CHD2: variants seen among roughly 807,000 people sequenced by gnomAD.
The protein encoded by CHD2 is chromodomain helicase DNA binding protein 2.
CHD2 carries 28 observed loss-of-function variants against 243.9 expected under a neutral mutation model. That is an observed-to-expected ratio of 0.11 (90% CI 0.09 to 0.16). The LOEUF (loss-of-function observed/expected upper bound fraction) is 0.16. Ranked by LOEUF, CHD2 falls within the 10% of genes least tolerant of loss-of-function variation. The pLI is 1.00. For missense variants in CHD2, 1,386 were observed against 2,209.8 expected (o/e 0.63, Z 7.47); for synonymous variants, 775 against 779.0 (o/e 0.99, Z 0.09).
At position 92,988,245 on chromosome 15, in the gene CHD2, C is replaced by T. The variant is rs2388053; in HGVS notation, c.3413+2572C>T. 8.2e-3 allele frequency among the ~76,000 whole-genome samples: 1,242 copies of T among 152,058 alleles called. 52 individuals carry two copies. Among genetic ancestry groups the T allele is most frequent in the Admixed American group, 0.07 (1,063 of 15,254 alleles). On this transcript the variant is annotated intron_variant, in intron 26 of 38. Transcript: ENST00000394196. ...TTACTGGCTCCTGCCACCACGCTGG[C>T]TAATTATTTTTGTATTTTTAGTAGA...
chr15:92,944,599 A>G (rs1435546663), intron 10 of CHD2, 84 bp downstream of exon 10: 4 of 638,360 alleles, frequency 6.3e-6, no homozygotes, highest in African/African-American at 5.5e-5. Flanking sequence ...AAATTTTAAA[A>G]ATGCACTTTG....
At chr15:92,954,780 G>A (rs1256542230) in intron 14 of CHD2, among the ~76,000 whole-genome samples, 1 of 152,144 alleles carries the variant, frequency 6.6e-6, no homozygotes, top group South Asian at 2.1e-4. Flanking sequence ...GCGATCACCT[G>A]CAGGCACTTA....
In CHD2 at chr15:92,942,894, G is replaced by C. The variant is rs1555439526; in HGVS notation, c.878G>C (p.Ser293Thr). ...GCGATTGAAGCTAATGGCGACCCTA[G>C]TGGTGACTTTGACACTGAAAAGGAT... ...VYAIEANGDP[S>T]GDFDTEKDEG... Residue 293 changes from serine (S) to threonine (T), a missense_variant, in exon 9 of 39, where the codon AGT becomes ACT. Transcript: ENST00000394196. 2.5e-6 allele frequency: 4 copies of C among 1,613,918 alleles called. No individual in the cohort carries two copies. Among genetic ancestry groups the C allele is most frequent in the African/African-American group, 1.3e-5 (1 of 74,914 alleles).
At chr15:93,002,874 G>GT (rs971909092) in intron 33 of CHD2, among the ~76,000 whole-genome samples, 2 of 152,142 alleles carry the variant, frequency 1.3e-5, no homozygotes, top group African/African-American at 4.8e-5. Context: ...AACAACTGCT[G>GT]TAATTCTAAT....
At chr15:92,945,972 A>G in intron 11 of CHD2, 66 bp from the exon 12 acceptor site, 1 of 1,501,882 alleles carries the variant, frequency 6.7e-7, no homozygotes, top group Non-Finnish European at 9.0e-7. Context: ...TATGCATAAA[A>G]CAGAATGTCA....
In CHD2 at chr15:92,998,060, C is replaced by A; in HGVS notation, c.3886-439C>A. On this transcript the variant is annotated intron_variant, in intron 30 of 38. Coordinates refer to ENST00000394196, the MANE Select transcript of CHD2 (RefSeq NM_001271.4). This position sits in a 1 kb window ranked among gnomAD's most constrained non-coding sequence, Gnocchi z 5.1. ...CTGGCAAGAGACCCAGTTGTTGTAG[C>A]AAGGAACAGATCATGTCCTGGCGTA... is the stretch of plus-strand genomic sequence containing the variant. 2.3e-6 allele frequency: 1 copy of A among 427,960 alleles called. No homozygotes were observed. Among genetic ancestry groups the A allele is most frequent in the Non-Finnish European group, 3.1e-6 (1 of 318,120 alleles). The allele number at this position is 427,960 out of a possible 1,614,324, so 26.5% of individuals were successfully genotyped here.
At chr15:92,972,178 G>T in intron 18 of CHD2, 87 bp from the exon 19 acceptor site, 1 of 1,428,382 alleles carries the variant, frequency 7.0e-7, no homozygotes, top group South Asian at 1.3e-5. Context: ...GCTTTAAGAT[G>T]ATTTTTAAAA....
intron 16 of CHD2, among the ~76,000 whole-genome samples, chr15:92,965,564 CCAAAAAAAAAAA>C (rs2053748411): frequency 5.9e-5 from 2 of 33,822 alleles, no homozygotes; most frequent in African/African-American, 1.9e-4. Flanking sequence ...GACTCTTTCT[CCAAAAAAAAAAA>C]AAAAAAAAAA....
At chr15:92,940,778 AT>A (rs956268773) in intron 7 of CHD2, among the ~76,000 whole-genome samples, 1 of 142,202 alleles carries the variant, frequency 7.0e-6, no homozygotes, top group African/African-American at 2.6e-5. Flanking sequence ...TATATAAAAA[AT>A]ATAAAAAATA....
chr15:92,997,689 T>G lies in CHD2; in HGVS notation c.3885+286T>G. 4.3e-6 allele frequency: 1 copy of G among 231,874 alleles called. No homozygotes were observed. The highest frequency in any genetic ancestry group is 9.7e-5 in the East Asian group (1 of 10,316). 14.4% of individuals were successfully genotyped at this position (231,874 alleles called of 1,614,324 possible). ...CATTACAATAAATACCCAGGTGAGT[T>G]TGTTAATGATAAAAGCATTCCTTGG... is the stretch of plus-strand genomic sequence containing the variant. On this transcript the variant is annotated intron_variant, in intron 30 of 38. Coordinates refer to ENST00000394196, the MANE Select transcript of CHD2 (RefSeq NM_001271.4). This position sits in a 1 kb window ranked among gnomAD's most constrained non-coding sequence, Gnocchi z 4.1.
intron 34 of CHD2, 38 bp from the exon 35 acceptor site, chr15:93,009,107 C>G: frequency 6.3e-7 from 1 of 1,599,948 alleles, no homozygotes; most frequent in African/African-American, 1.3e-5. Context: ...TTACTTTCTG[C>G]AGATTGTTTA....
intron 34 of CHD2, among the ~76,000 whole-genome samples, chr15:93,007,049 G>C (rs1398411486): frequency 6.6e-6 from 1 of 152,206 alleles, no homozygotes; most frequent in Non-Finnish European, 1.5e-5. Flanking sequence ...AACTTCTCTA[G>C]GGTGTATGGC....
intron 4 of CHD2, among the ~76,000 whole-genome samples, 174 bp downstream of exon 4, chr15:92,927,504 T>TA (rs2053085114): frequency 6.6e-6 from 1 of 152,110 alleles, no homozygotes; most frequent in African/African-American, 2.4e-5. Flanking sequence ...AATAATCAAA[T>TA]AAAAGAATCT....
At chr15:92,914,251 C>T (rs547556857) in intron 2 of CHD2, among the ~76,000 whole-genome samples, 3 of 152,276 alleles carry the variant, frequency 2.0e-5, no homozygotes, top group East Asian at 1.9e-4. Context: ...GGGAGAACTC[C>T]CCTTGTAACT....
chr15:92,959,297 A>G (rs930503026), intron 16 of CHD2, among the ~76,000 whole-genome samples: 3 of 152,138 alleles, frequency 2.0e-5, no homozygotes, highest in African/African-American at 7.2e-5. Flanking sequence ...GAATTTGGGA[A>G]ATTGTTCTAG....
intron 13 of CHD2, among the ~76,000 whole-genome samples, chr15:92,949,407 T>TA (rs746877777): frequency 1.1e-4 from 16 of 152,216 alleles, no homozygotes; most frequent in African/African-American, 1.4e-4. Context: ...TGGAAGGAGT[T>TA]ACTCAGAAGA....
chr15:93,006,705 C>T (rs976104454), intron 34 of CHD2, among the ~76,000 whole-genome samples: 1 of 152,200 alleles, frequency 6.6e-6, no homozygotes, highest in Non-Finnish European at 1.5e-5. Flanking sequence ...TTGACCCAGG[C>T]AGTTCGGCAT....
intron 16 of CHD2, among the ~76,000 whole-genome samples, chr15:92,960,705 GTTTTTTTT>G (rs71467745): frequency 2.3e-4 from 12 of 51,466 alleles, no homozygotes; most frequent in Admixed American, 4.9e-4. Context: ...TCTGTTTGGT[GTTTTTTTT>G]TTTTTTTTTT....
chr15:92,931,472 T>A (rs1406071522), intron 5 of CHD2, among the ~76,000 whole-genome samples: 2 of 152,086 alleles, frequency 1.3e-5, no homozygotes, highest in Non-Finnish European at 1.5e-5. Context: ...CTCAATCTCC[T>A]GAGCTCAAGT....
Sources: allele counts gnomAD v4.1 joint callset (sites outside exome capture counted in the v4.1 genomes callset), GRCh38; gene constraint gnomAD v4.1.1; non-coding constraint Gnocchi (gnomAD v3.1); transcripts MANE v1.5; gene names NCBI Gene and HGNC (gene_info 2026-07-23, HGNC 2026-07-21).